Variants in PTPRD observed in about 807,000 individuals in gnomAD.
PTPRD encodes receptor-type tyrosine-protein phosphatase delta.
PTPRD carries 34 observed loss-of-function variants against 214.5 expected under a neutral mutation model. The observed-to-expected ratio is 0.16, with a 90% CI of 0.12 to 0.21. The LOEUF (loss-of-function observed/expected upper bound fraction) is 0.21, where lower values mean the gene tolerates loss of function less well. Among genes scored for constraint, PTPRD ranks in the 10% least tolerant of loss-of-function variants. PTPRD has a pLI of 1.00. For synonymous variants in PTPRD, 1,128 were observed against 845.7 expected, an observed-to-expected ratio of 1.33 and a Z score of -5.79; for missense variants, 2,545 against 2,398.7, an observed-to-expected ratio of 1.06 and a Z score of -1.27.
intron 14 of PTPRD, among the ~76,000 whole-genome samples, chr9:8,593,991 T>C (rs1258446707): frequency 1.3e-4 from 20 of 152,204 alleles, no homozygotes; most frequent in Non-Finnish European, 1.5e-5. Context: ...ATAGTAGTTA[T>C]GCATATACTA....
At chr9:8,866,017 C>A (rs937869415) in intron 11 of PTPRD, among the ~76,000 whole-genome samples, 3 of 152,132 alleles carry the variant, frequency 2.0e-5, no homozygotes, top group Admixed American at 6.6e-5. Flanking sequence ...CTGGTGTTGA[C>A]ATTTTCATTT....
intron 39 of PTPRD, among the ~76,000 whole-genome samples, chr9:8,359,013 C>T (rs1425729060): frequency 7.2e-6 from 1 of 138,220 alleles, no homozygotes; most frequent in East Asian, 2.4e-4. Flanking sequence ...GAGGCTGAGG[C>T]AGGAGAATGG....
intron 11 of PTPRD, among the ~76,000 whole-genome samples, chr9:8,811,244 C>T (rs1386108983): frequency 6.6e-6 from 1 of 152,152 alleles, no homozygotes; most frequent in Admixed American, 6.5e-5. Context: ...TTCCCGACAA[C>T]TTCCCAGTAC....
At chr9:10,135,069 T>C (rs2098932144) in intron 3 of PTPRD, among the ~76,000 whole-genome samples, 1 of 152,148 alleles carries the variant, frequency 6.6e-6, no homozygotes, top group Admixed American at 6.6e-5. Flanking sequence ...ACTACAGGAA[T>C]TCCATAATTT....
intron 14 of PTPRD, among the ~76,000 whole-genome samples, chr9:8,600,116 T>C (rs1039300685): frequency 6.6e-6 from 1 of 152,158 alleles, no homozygotes; most frequent in African/African-American, 2.4e-5. Flanking sequence ...GCACAGTGAA[T>C]GGGAGGCTTT....
chr9:9,260,643 G>A (rs1156434854), intron 9 of PTPRD, among the ~76,000 whole-genome samples: 2 of 151,710 alleles, frequency 1.3e-5, no homozygotes, highest in African/African-American at 4.8e-5. Context: ...TGGCTTGACG[G>A]CATTGTAAAG....
chr9:10,018,538 C>CTTTTTTTTTTTTTTTT (rs71321214), intron 4 of PTPRD, among the ~76,000 whole-genome samples: 2 of 71,092 alleles, frequency 2.8e-5, no homozygotes, highest in Non-Finnish European at 2.7e-5. Flanking sequence ...AATTACATTT[C>CTTTTTTTTTTTTTTTT]TTTTTTTTTT....
At chr9:10,245,945 T>C (rs997994240) in intron 3 of PTPRD, among the ~76,000 whole-genome samples, 10 of 152,184 alleles carry the variant, frequency 6.6e-5, no homozygotes, top group Admixed American at 5.2e-4. Flanking sequence ...AAATCAGTGA[T>C]AGAACACTTT....
At chr9:8,385,202 T>C (rs1489371449) in intron 37 of PTPRD, among the ~76,000 whole-genome samples, 1 of 152,180 alleles carries the variant, frequency 6.6e-6, no homozygotes, top group Non-Finnish European at 1.5e-5. Context: ...ACAAGCGCTG[T>C]TGATAAACCT....
At position 9,514,195 on chromosome 9, in the gene PTPRD, C is replaced by T. The variant is rs189834234; in HGVS notation, c.-237+60537G>A. Among the ~76,000 whole-genome samples the T allele has an allele frequency of 9.6e-4, 146 of 152,160 alleles. 1 individual carries two copies. Among genetic ancestry groups the T allele is most frequent in the African/African-American group, 3.3e-3 (138 of 41,550 alleles). On this transcript the variant is annotated intron_variant, in intron 8 of 45. Coordinates refer to ENST00000381196, the MANE Select transcript of PTPRD (RefSeq NM_002839.4). ...AAATTAGGAAGGAATTTTTTCTCCC[C>T]TGGAATAAAATTTCCCTCCTGGTTA... is the stretch of plus-strand genomic sequence containing the variant.
chr9:9,953,551 T>C (rs2154003335), intron 4 of PTPRD, among the ~76,000 whole-genome samples: 1 of 152,074 alleles, frequency 6.6e-6, no homozygotes, highest in South Asian at 2.1e-4. Flanking sequence ...TTTGGTTTTG[T>C]TTCTCTGGAG....
At chr9:8,800,411 G>C (rs374020881) in intron 11 of PTPRD, among the ~76,000 whole-genome samples, 1 of 152,048 alleles carries the variant, frequency 6.6e-6, no homozygotes, top group East Asian at 1.9e-4. Flanking sequence ...TGAGATAGGA[G>C]GTCAGCACAA....
chr9:9,120,254 G>A lies in PTPRD; in HGVS notation c.-143+63050C>T, dbSNP rs568706340. Among the ~76,000 whole-genome samples, 36 of 152,328 alleles carry A rather than the reference G, an allele frequency of 2.4e-4. No individual in the cohort carries two copies. In the East Asian group the frequency reaches 5.4e-3, roughly 23 times the overall value. ...TTATTTGAAGAAAGATGTCATTTAA[G>A]TGCTTATTAATAACATCTTGCAGAA... On this transcript the variant is annotated intron_variant, in intron 10 of 45. Transcript: ENST00000381196.
At chr9:8,434,774 G>C (rs1263812126) in intron 35 of PTPRD, among the ~76,000 whole-genome samples, 3 of 152,084 alleles carry the variant, frequency 2.0e-5, no homozygotes, top group Non-Finnish European at 4.4e-5. Context: ...GTTTTTTATG[G>C]TGCCCCAGGT....
At chr9:9,914,656 T>A (rs1227588605) in intron 5 of PTPRD, among the ~76,000 whole-genome samples, 1 of 152,068 alleles carries the variant, frequency 6.6e-6, no homozygotes, top group Admixed American at 6.5e-5. Flanking sequence ...ACAGCAAACA[T>A]GCACCCAGAC....
At chr9:9,766,210 T>C (rs1379508602) in intron 6 of PTPRD, among the ~76,000 whole-genome samples, 4 of 152,156 alleles carry the variant, frequency 2.6e-5, no homozygotes, top group Non-Finnish European at 2.9e-5. Context: ...CATGATCTTT[T>C]CAATAATCTT....
intron 8 of PTPRD, among the ~76,000 whole-genome samples, chr9:9,544,820 A>T (rs2154276697): frequency 6.6e-6 from 1 of 151,796 alleles, no homozygotes; most frequent in East Asian, 1.9e-4. Flanking sequence ...CTGCTTTAGA[A>T]TTTTATTATA....
At chr9:9,431,177 A>T (rs1031025208) in intron 8 of PTPRD, among the ~76,000 whole-genome samples, 1 of 152,214 alleles carries the variant, frequency 6.6e-6, no homozygotes, top group East Asian at 1.9e-4. Context: ...TAATATCCAG[A>T]ATCTACAAAG....
intron 8 of PTPRD, among the ~76,000 whole-genome samples, chr9:9,404,265 C>T (rs1453489260): frequency 6.6e-6 from 1 of 152,034 alleles, no homozygotes; most frequent in Admixed American, 6.6e-5. Context: ...CCTCCGGCTA[C>T]TCTGTAGAAA....
Sources: allele counts gnomAD v4.1 joint callset (sites outside exome capture counted in the v4.1 genomes callset), GRCh38; gene constraint gnomAD v4.1.1; transcripts MANE v1.5; gene names NCBI Gene and HGNC (gene_info 2026-07-23, HGNC 2026-07-21).